Variants in RBFOX3 observed in about 807,000 individuals in gnomAD.
The protein encoded by RBFOX3 is RNA binding protein fox-1 homolog 3.
Under a neutral mutation model 48.7 loss-of-function variants are expected in RBFOX3, and 17 were observed. The observed-to-expected ratio is 0.35, with a 90% CI of 0.24 to 0.52. The LOEUF (loss-of-function observed/expected upper bound fraction) is 0.52, where lower values mean the gene tolerates loss of function less well. Ranked by LOEUF, RBFOX3 falls within the 20% of genes least tolerant of loss-of-function variation. The probability of loss-of-function intolerance (pLI) is 0.94; values close to 1 mark genes in which losing one functional copy is unlikely to be tolerated. For synonymous variants in RBFOX3, 212 were observed against 209.5 expected, an observed-to-expected ratio of 1.01 and a Z score of -0.10; for missense variants, 382 against 497.5, an observed-to-expected ratio of 0.77 and a Z score of 2.21.
At position 79,471,251 on chromosome 17, in the gene RBFOX3, A is replaced by G. The variant is rs555959745; in HGVS notation, c.-175+11203T>C. Among the ~76,000 whole-genome samples, 38 of 152,290 alleles carry G rather than the reference A, an allele frequency of 2.5e-4. No individual in the cohort carries two copies. The highest frequency in any genetic ancestry group is 4.1e-4 in the Non-Finnish European group (28 of 68,026). On this transcript the variant is annotated intron_variant, in intron 2 of 14. Coordinates refer to ENST00000693108, the MANE Select transcript of RBFOX3 (RefSeq NM_001350451.2). This position sits in a 1 kb window ranked among gnomAD's most constrained non-coding sequence, Gnocchi z 4.0. ...AGCCATCGTGGCTCTCAGCTCATGG[A>G]AAGCGGGGTACGTGACCAGCACTGG...
At chr17:79,159,022 A>G (rs1023743826) in intron 4 of RBFOX3, among the ~76,000 whole-genome samples, 1 of 152,216 alleles carries the variant, frequency 6.6e-6, no homozygotes, top group Non-Finnish European at 1.5e-5. Context: ...GCTGCAGGCC[A>G]TGTCCAGCTC....
At chr17:79,664,398 T>A in the RBFOX3 span, among the ~76,000 whole-genome samples, 25 of 150,794 alleles carry the variant, frequency 1.7e-4, no homozygotes, top group African/African-American at 5.6e-4. Context: ...CAGGCTGGAG[T>A]GCAGTGGTGT....
rs1029139575 is a variant in RBFOX3, at chr17:79,115,701, G to A, written c.15C>T (p.Tyr5=). MAQP[Y]PPAQYPPPPQ... ...GCGGAGGGGGGTACTGGGCGGGGGGGTAGGGCTGGGCCATCGCTTCAGGCG... is the reference window on the plus strand; with the variant it reads ...GCGGAGGGGGGTACTGGGCGGGGGGATAGGGCTGGGCCATCGCTTCAGGCG... Residue 5 remains tyrosine (Y), a synonymous_variant, in exon 5 of 15, where the codon TAC becomes TAT. Transcript: ENST00000693108. 4 of 415,800 alleles carry A rather than the reference G, an allele frequency of 9.6e-6. No homozygotes were observed. Among genetic ancestry groups the A allele is most frequent in the African/African-American group, 2.4e-5 (1 of 41,172 alleles). The allele number at this position is 415,800 out of a possible 1,614,324, so 25.8% of individuals were successfully genotyped here. A position where few individuals can be genotyped will look rare whatever the true frequency, so the allele number is the denominator to read the frequency against.
intron 2 of RBFOX3, among the ~76,000 whole-genome samples, chr17:79,377,448 C>T (rs1184349104): frequency 1.3e-5 from 2 of 152,204 alleles, no homozygotes; most frequent in East Asian, 3.9e-4. Flanking sequence ...AACACATGCA[C>T]GTGGGCATGC....
At chr17:79,484,292 GAGA>G in intron 1 of RBFOX3, among the ~76,000 whole-genome samples, 1 of 152,362 alleles carries the variant, frequency 6.6e-6, no homozygotes, top group Non-Finnish European at 1.5e-5. Flanking sequence ...CAGCATCACA[GAGA>G]GCCCAGCAAC....
chr17:79,177,943 C>A (rs1452662103), intron 4 of RBFOX3, among the ~76,000 whole-genome samples: 1 of 152,236 alleles, frequency 6.6e-6, no homozygotes, highest in African/African-American at 2.4e-5. Context: ...GAGCCCCAGT[C>A]TCTGGACAGA....
Position 79,350,792 on chromosome 17 carries a change from G to A in RBFOX3, c.-174-42968C>T, listed in dbSNP as rs565297439. Among the ~76,000 whole-genome samples the A allele has an allele frequency of 9.2e-5, 14 of 152,322 alleles. No homozygotes were observed. In the South Asian group the frequency reaches 2.3e-3, roughly 25 times the overall value. ...CAGGCAGGGCGGCCTGCAGGGTGGC[G>A]TGAGCTGGCATGAATTGCGGGGAAA... On this transcript the variant is annotated intron_variant, in intron 2 of 14. Coordinates refer to ENST00000693108, the MANE Select transcript of RBFOX3 (RefSeq NM_001350451.2).
chr17:79,176,306 G>A (rs960679912), intron 4 of RBFOX3, among the ~76,000 whole-genome samples: 6 of 152,152 alleles, frequency 3.9e-5, no homozygotes, highest in Admixed American at 1.3e-4. Flanking sequence ...TGTGGCTGTC[G>A]GGCCCATCTC....
At chr17:79,226,830 T>C (rs2060362318) in intron 4 of RBFOX3, among the ~76,000 whole-genome samples, 1 of 152,116 alleles carries the variant, frequency 6.6e-6, no homozygotes, top group African/African-American at 2.4e-5. Context: ...TGCAGGTATG[T>C]GAGTTAGGAA....
intron 2 of RBFOX3, among the ~76,000 whole-genome samples, chr17:79,316,513 A>G (rs959278136): frequency 6.6e-6 from 1 of 152,210 alleles, no homozygotes; most frequent in Non-Finnish European, 1.5e-5. Flanking sequence ...GCTCTGCTCA[A>G]TGCAATGGAA....
intron 10 of RBFOX3, 131 bp downstream of exon 10, chr17:79,097,561 T>G (rs2075593103): frequency 8.3e-7 from 1 of 1,203,084 alleles, no homozygotes; most frequent in African/African-American, 1.9e-5. Context: ...CGCTACTCAG[T>G]CAACACGGCG....
At chr17:79,166,944 TAAG>T (rs766429408) in intron 4 of RBFOX3, among the ~76,000 whole-genome samples, 4 of 152,058 alleles carry the variant, frequency 2.6e-5, no homozygotes, top group East Asian at 1.9e-4. Flanking sequence ...CTGTTAAAAA[TAAG>T]AAGGTGAACA....
At chr17:79,438,802 C>T (rs1555732758) in intron 2 of RBFOX3, among the ~76,000 whole-genome samples, 3 of 152,228 alleles carry the variant, frequency 2.0e-5, no homozygotes, top group African/African-American at 7.2e-5. Flanking sequence ...GAGGAGTGCC[C>T]CCGAGCAGGA....
intron 2 of RBFOX3, among the ~76,000 whole-genome samples, chr17:79,445,116 C>A (rs532429458): frequency 6.6e-6 from 1 of 152,302 alleles, no homozygotes; most frequent in Admixed American, 6.5e-5. Flanking sequence ...TATTCCACTG[C>A]AGGGACAGAC....
chr17:79,540,844 T>C (rs1555790057), intron 1 of RBFOX3, among the ~76,000 whole-genome samples: 2 of 152,234 alleles, frequency 1.3e-5, no homozygotes. Context: ...TCAGCTGTCC[T>C]AATCCATTTA....
intron 2 of RBFOX3, among the ~76,000 whole-genome samples, chr17:79,349,901 A>C (rs2083575426): frequency 6.6e-6 from 1 of 151,874 alleles, no homozygotes; most frequent in Non-Finnish European, 1.5e-5. Flanking sequence ...CCAGGACAGA[A>C]TGGGTTCCCT....
chr17:79,452,336 A>G (rs1555742207), intron 2 of RBFOX3, among the ~76,000 whole-genome samples: 1 of 152,246 alleles, frequency 6.6e-6, no homozygotes, highest in Non-Finnish European at 1.5e-5. Context: ...GGAACGCAGC[A>G]GTCATGGTGG....
At position 79,115,918 on chromosome 17, in the gene RBFOX3, G is replaced by C. The variant is rs568831735; in HGVS notation, c.-33-170C>G. ...CATGGGCACCAGCTCAGAGCAGGAG[G>C]GGGTGCTGCGCTGGGAATGCCGGGG... On this transcript the variant is annotated intron_variant, in intron 4 of 14. Coordinates refer to ENST00000693108, the MANE Select transcript of RBFOX3 (RefSeq NM_001350451.2). Among the ~76,000 whole-genome samples, 9 of 152,290 alleles carry C rather than the reference G, an allele frequency of 5.9e-5. No homozygotes were observed. The East Asian group carries it at 1.5e-3, about 26-fold the overall frequency.
At chr17:79,405,411 T>A (rs987052101) in intron 2 of RBFOX3, among the ~76,000 whole-genome samples, 18 of 152,208 alleles carry the variant, frequency 1.2e-4, no homozygotes, top group African/African-American at 4.3e-4. Flanking sequence ...GTTTACATTT[T>A]TTTTTTCTTT....
Sources: allele counts gnomAD v4.1 joint callset (sites outside exome capture counted in the v4.1 genomes callset), GRCh38; gene constraint gnomAD v4.1.1; non-coding constraint Gnocchi (gnomAD v3.1); transcripts MANE v1.5; gene names NCBI Gene and HGNC (gene_info 2026-07-23, HGNC 2026-07-21).